THRB: variants seen among roughly 807,000 people sequenced by gnomAD.
The protein encoded by THRB is nuclear receptor subfamily 1 group A member 2.
In THRB, 12 loss-of-function variants were observed where a neutral mutation model predicts 47.8. The observed-to-expected ratio is 0.25, with a 90% CI of 0.16 to 0.41. The LOEUF (loss-of-function observed/expected upper bound fraction) is 0.41, where lower values mean the gene tolerates loss of function less well. Among genes scored for constraint, THRB ranks in the 10% least tolerant of loss-of-function variants. The pLI is 1.00. For missense variants in THRB, 348 were observed against 589.2 expected, an observed-to-expected ratio of 0.59 and a Z score of 4.24; for synonymous variants, 218 against 212.2, an observed-to-expected ratio of 1.03 and a Z score of -0.24.
upstream of THRB, chr3:24,495,458 G>C (rs890340757): frequency 6.5e-6 from 1 of 153,090 alleles, no homozygotes; most frequent in Admixed American, 6.5e-5. Flanking sequence ...TCCCCGGGCC[G>C]GCCGCCTCCG....
At chr3:24,334,948 A>G (rs1314704458) in intron 2 of THRB, among the ~76,000 whole-genome samples, 4 of 152,236 alleles carry the variant, frequency 2.6e-5, no homozygotes, top group African/African-American at 9.6e-5. Context: ...CAACATGTGT[A>G]ACGTTTGTCA....
At chr3:24,228,791 G>A (rs985779974) in intron 4 of THRB, 147 bp downstream of exon 4, 29 of 724,654 alleles carry the variant, frequency 4.0e-5, no homozygotes, top group Non-Finnish European at 6.8e-5. Flanking sequence ...ACATTTCTAG[G>A]GAGGTATTCA....
chr3:24,202,752 G>A (rs954598921), intron 4 of THRB, among the ~76,000 whole-genome samples: 6 of 152,186 alleles, frequency 3.9e-5, no homozygotes, highest in Non-Finnish European at 8.8e-5. Flanking sequence ...GAGATGCTGT[G>A]ATTAGCCCCA....
chr3:24,267,073 G>A (rs1051670650), intron 3 of THRB, among the ~76,000 whole-genome samples: 4 of 151,780 alleles, frequency 2.6e-5, no homozygotes, highest in Non-Finnish European at 4.4e-5. Flanking sequence ...TAAAAGAACA[G>A]AATAAGATGA....
intron 6 of THRB, among the ~76,000 whole-genome samples, chr3:24,149,237 G>A (rs759525251): frequency 3.9e-5 from 6 of 152,146 alleles, no homozygotes; most frequent in Non-Finnish European, 8.8e-5. Context: ...AGGGTAGCAC[G>A]CCTCCTTCTG....
At chr3:24,462,781 G>C (rs561328191) in intron 1 of THRB, among the ~76,000 whole-genome samples, 3 of 152,306 alleles carry the variant, frequency 2.0e-5, no homozygotes, top group Middle Eastern at 3.4e-3. Context: ...TCCTCGAGGT[G>C]CTTTTCAAAT....
At chr3:24,294,617 A>G (rs957829557) in intron 3 of THRB, among the ~76,000 whole-genome samples, 24 of 152,178 alleles carry the variant, frequency 1.6e-4, no homozygotes, top group African/African-American at 5.8e-4. Context: ...TGCTGCCTAG[A>G]GAGGTGACTC....
intron 1 of THRB, among the ~76,000 whole-genome samples, chr3:24,424,262 A>T (rs1035507586): frequency 2.0e-5 from 3 of 151,802 alleles, no homozygotes; most frequent in Non-Finnish European, 2.9e-5. Flanking sequence ...ACAGGATTTT[A>T]AAAAAATACT....
chr3:24,147,043 C>CT (rs541885958), intron 6 of THRB, among the ~76,000 whole-genome samples: 22 of 151,068 alleles, frequency 1.5e-4, no homozygotes, highest in Admixed American at 5.9e-4. Flanking sequence ...GAGTCAACAC[C>CT]TTTTTTTTTG....
At chr3:24,352,059 G>C (rs2063390446) in intron 1 of THRB, among the ~76,000 whole-genome samples, 1 of 152,124 alleles carries the variant, frequency 6.6e-6, no homozygotes, top group Admixed American at 6.6e-5. Context: ...TCATGGTCTT[G>C]AGTTTCCTTT....
chr3:24,205,361 C>A (rs1374905074), intron 4 of THRB, among the ~76,000 whole-genome samples: 2 of 152,218 alleles, frequency 1.3e-5, no homozygotes, highest in South Asian at 2.1e-4. Context: ...TTCTTAAAGA[C>A]AAGACTTTTC....
At chr3:24,447,625 A>G (rs1048701674) in intron 1 of THRB, among the ~76,000 whole-genome samples, 1 of 152,188 alleles carries the variant, frequency 6.6e-6, no homozygotes, top group Non-Finnish European at 1.5e-5. Context: ...GAATGATTTC[A>G]AGCTTAATGG....
At position 24,433,621 on chromosome 3, in the gene THRB, G is replaced by A. The variant is rs1381086096; in HGVS notation, c.-261+61031C>T. On this transcript the variant is annotated intron_variant, in intron 1 of 10. Coordinates refer to ENST00000646209, the MANE Select transcript of THRB (RefSeq NM_001354712.2). The stretch of plus-strand genomic sequence containing the variant: ...CATTTGTGTTGTTTTAAGCAACTAA[G>A]CTAGTGGTAATTTGTTACAGCAGCA... Among the ~76,000 whole-genome samples, 10 of 152,096 alleles carry A rather than the reference G, an allele frequency of 6.6e-5. No homozygotes were observed. The South Asian group carries it at 1.2e-3, about 19-fold the overall frequency.
intron 1 of THRB, among the ~76,000 whole-genome samples, chr3:24,360,979 C>T (rs1186070003): frequency 2.0e-5 from 3 of 152,102 alleles, no homozygotes; most frequent in Non-Finnish European, 1.5e-5. Flanking sequence ...AGGTTGAAAA[C>T]CACTGGGTTG....
At chr3:24,429,947 G>A (rs556684862) in intron 1 of THRB, among the ~76,000 whole-genome samples, 2 of 152,020 alleles carry the variant, frequency 1.3e-5, no homozygotes, top group African/African-American at 4.8e-5. Flanking sequence ...TTGACAGAGT[G>A]GTATGGTGGC....
chr3:24,167,299 A>G (rs1279170630), intron 5 of THRB, among the ~76,000 whole-genome samples: 2 of 152,210 alleles, frequency 1.3e-5, no homozygotes, highest in African/African-American at 2.4e-5. Context: ...CTGGAAAATG[A>G]ATCACAATAT....
intron 3 of THRB, among the ~76,000 whole-genome samples, chr3:24,288,476 C>CT (rs535371313): frequency 1.7e-4 from 26 of 151,546 alleles, no homozygotes; most frequent in African/African-American, 2.7e-4. Flanking sequence ...TGTGACTGCT[C>CT]TTTTTTTTTA....
At chr3:24,315,451 G>A (rs1210511447) in intron 2 of THRB, among the ~76,000 whole-genome samples, 1 of 152,178 alleles carries the variant, frequency 6.6e-6, no homozygotes, top group Non-Finnish European at 1.5e-5. Flanking sequence ...GATGCCTGTG[G>A]TGACTGACGC....
chr3:24,258,068 A>G (rs2051494779), intron 3 of THRB, among the ~76,000 whole-genome samples: 1 of 152,212 alleles, frequency 6.6e-6, no homozygotes, highest in African/African-American at 2.4e-5. Context: ...GAATTTATTC[A>G]CCGCAGGGCT....
Sources: allele counts gnomAD v4.1 joint callset (sites outside exome capture counted in the v4.1 genomes callset), GRCh38; gene constraint gnomAD v4.1.1; transcripts MANE v1.5; gene names NCBI Gene and HGNC (gene_info 2026-07-23, HGNC 2026-07-21).